P2RX4: variants seen among roughly 807,000 people sequenced by gnomAD.
P2RX4 encodes P2X purinoceptor 4.
A neutral mutation model predicts 48.0 loss-of-function variants in P2RX4; 37 were observed. The ratio of observed to expected loss-of-function variants is 0.77; its 90% CI spans 0.59 to 1.01. The LOEUF is 1.01. Among genes scored for constraint, P2RX4 ranks in the 50% least tolerant of loss-of-function variants. The pLI, the probability that P2RX4 is intolerant of heterozygous loss-of-function variation, is 0.00. For missense variants in P2RX4, 501 were observed against 521.4 expected, an observed-to-expected ratio of 0.96 and a Z score of 0.38; for synonymous variants, 200 against 199.7, an observed-to-expected ratio of 1.00 and a Z score of -0.01.
intron 2 of P2RX4, among the ~76,000 whole-genome samples, chr12:121,218,546 T>C (rs1192846439): frequency 1.3e-5 from 2 of 152,112 alleles, no homozygotes; most frequent in Admixed American, 6.5e-5. Context: ...CCTGTTAGCA[T>C]GTACCTGTCT....
chr12:121,223,104 C>A, intron 5 of P2RX4, 61 bp downstream of exon 5: 1 of 1,050,412 alleles, frequency 9.5e-7, no homozygotes, highest in South Asian at 1.3e-5. Flanking sequence ...GACACAGTTT[C>A]ACTCTGTATC....
chr12:121,223,055 C>T lies in P2RX4; in HGVS notation c.524+12C>T. ...ACACACGTGCCACAGTGAGTCCAGC[C>T]CTAGGGAAGGAAGTGCCTTTTTGTT... On this transcript the variant is annotated intron_variant, in intron 5 of 11. Coordinates refer to ENST00000337233, the MANE Select transcript of P2RX4 (RefSeq NM_002560.3). The T allele has an allele frequency of 6.4e-7, 1 of 1,554,894 alleles. No homozygotes were observed. Among genetic ancestry groups the T allele is most frequent in the Non-Finnish European group, 8.9e-7 (1 of 1,126,352 alleles).
At chr12:121,216,983 G>A (rs1255015496) in intron 1 of P2RX4, 151 bp from the exon 2 acceptor site, 2 of 805,982 alleles carry the variant, frequency 2.5e-6, no homozygotes, top group Non-Finnish European at 4.3e-6. Flanking sequence ...GGCAGAAGTG[G>A]AAATGGAGTC....
At chr12:121,222,206 C>G (rs764687053) in intron 4 of P2RX4, 40 bp downstream of exon 4, 3 of 1,336,390 alleles carry the variant, frequency 2.2e-6, no homozygotes, top group Non-Finnish European at 3.2e-6. Flanking sequence ...GGCCCCTGAG[C>G]AGATCGCCCC....
intron 5 of P2RX4, 63 bp from the exon 6 acceptor site, chr12:121,228,470 T>C: frequency 1.1e-6 from 1 of 913,382 alleles, no homozygotes; most frequent in Non-Finnish European, 1.7e-6. Context: ...TATATATATA[T>C]AACATGGTTA....
chr12:121,218,543 G>A (rs1238680313), intron 2 of P2RX4, among the ~76,000 whole-genome samples: 9 of 152,140 alleles, frequency 5.9e-5, no homozygotes, highest in Admixed American at 5.9e-4. Context: ...AGTCCTGTTA[G>A]CATGTACCTG....
At chr12:121,210,397 A>T in intron 1 of P2RX4, 99 bp downstream of exon 1, 1 of 1,215,130 alleles carries the variant, frequency 8.2e-7, no homozygotes, top group South Asian at 2.5e-5. Flanking sequence ...CGAGTCCGGG[A>T]GCGGCGAGCC....
At chr12:121,231,371 A>G (rs565306861) in intron 8 of P2RX4, among the ~76,000 whole-genome samples, 1 of 152,132 alleles carries the variant, frequency 6.6e-6, no homozygotes, top group African/African-American at 2.4e-5. Flanking sequence ...CATAGTTTTC[A>G]CTATATTCAC....
At chr12:121,212,824 A>ATATTTTTTTTTTTTT (rs370835501) in intron 1 of P2RX4, 1 of 32,262 alleles carries the variant, frequency 3.1e-5, no homozygotes, top group African/African-American at 1.7e-4. Context: ...ATATATATAT[A>ATATTTTTTTTTTTTT]TTTTTTTTTT....
intron 5 of P2RX4, among the ~76,000 whole-genome samples, chr12:121,223,944 C>T (rs1026449176): frequency 2.6e-5 from 4 of 152,190 alleles, no homozygotes; most frequent in African/African-American, 4.8e-5. Context: ...TGCATCCCGC[C>T]GTGCCAGCTT....
At chr12:121,210,395 G>A (rs1885746412) in intron 1 of P2RX4, 97 bp downstream of exon 1, 1 of 1,227,790 alleles carries the variant, frequency 8.1e-7, no homozygotes, top group Admixed American at 4.2e-5. Context: ...GGCGAGTCCG[G>A]GAGCGGCGAG....
intron 2 of P2RX4, 52 bp downstream of exon 2, chr12:121,217,333 G>A: frequency 6.4e-7 from 1 of 1,572,362 alleles, no homozygotes; most frequent in Non-Finnish European, 8.7e-7. Context: ...GCTCTTTACT[G>A]ACTTTGCACA....
chr12:121,222,871 A>T, intron 4 of P2RX4, 76 bp from the exon 5 acceptor site: 1 of 1,404,976 alleles, frequency 7.1e-7, no homozygotes, highest in Non-Finnish European at 9.9e-7. Context: ...TGGGGCTCTC[A>T]CTCCCTACTC....
At position 121,222,987 on chromosome 12, in the gene P2RX4, C is replaced by G. The variant is rs1452961189; in HGVS notation, c.468C>G (p.Val156=). The change falls in exon 5 of 12, where the codon GTC becomes GTG. Residue 156 remains valine, a synonymous_variant. Transcript: ENST00000337233. ...GGTGCGTAGCTTTCAACGGGTCTGTCAAGACGTGTGAGGTGGCGGCCTGGT... is the reference window on the plus strand; with the variant it reads ...GGTGCGTAGCTTTCAACGGGTCTGTGAAGACGTGTGAGGTGGCGGCCTGGT... The part of the protein sequence containing the change: ...TGRCVAFNGS[V]KTCEVAAWCP... 5 of 1,613,720 alleles carry G rather than the reference C, an allele frequency of 3.1e-6. No individual in the cohort carries two copies. Among genetic ancestry groups the G allele is most frequent in the Non-Finnish European group, 3.4e-6 (4 of 1,179,742 alleles).
chr12:121,221,943 G>C lies in P2RX4; in HGVS notation c.313G>C (p.Val105Leu). Residue 105 changes from valine (V) to leucine (L), a missense_variant, in exon 3 of 12, where the codon GTG (valine) becomes CTG (leucine). Physicochemically the swap from Val to Leu is conservative, Grantham distance 32. Coordinates refer to ENST00000337233, the MANE Select transcript of P2RX4 (RefSeq NM_002560.3). ...AAACTCCCTCTTCGTCATGACCAAC[G>C]TGATCCTCACCATGAACCAGACACA... ...EENSLFVMTN[V>L]ILTMNQTQGL... is the part of the protein sequence containing the mutation. 6.2e-7 allele frequency: 1 copy of C among 1,614,176 alleles called. No homozygotes were observed. Among genetic ancestry groups the C allele is most frequent in the Non-Finnish European group, 8.5e-7 (1 of 1,180,022 alleles).
chr12:121,225,247 A>AT (rs1886907901), intron 5 of P2RX4, among the ~76,000 whole-genome samples: 1 of 150,228 alleles, frequency 6.7e-6, no homozygotes, highest in African/African-American at 2.5e-5. Context: ...TAATTTTTGT[A>AT]TTTTTAGTAG....
At chr12:121,233,168 T>C (rs1887483008) in intron 11 of P2RX4, 76 bp downstream of exon 11, 2 of 1,010,224 alleles carry the variant, frequency 2.0e-6, no homozygotes, top group African/African-American at 3.2e-5. Flanking sequence ...TGGGCCTGTC[T>C]GGGGAGGCCC....
intron 5 of P2RX4, among the ~76,000 whole-genome samples, chr12:121,227,554 C>A (rs1275568504): frequency 6.6e-6 from 1 of 152,200 alleles, no homozygotes; most frequent in African/African-American, 2.4e-5. Context: ...GCCTGCGGCC[C>A]CAAAGCCAGG....
At chr12:121,219,158 C>A (rs1349134933) in intron 2 of P2RX4, among the ~76,000 whole-genome samples, 1 of 152,198 alleles carries the variant, frequency 6.6e-6, no homozygotes, top group Non-Finnish European at 1.5e-5. Context: ...ACATTGAACA[C>A]CTGGGAACGT....
Sources: gnomAD v4.1 joint callset for allele counts (sites outside exome capture counted in the v4.1 genomes callset) on GRCh38, gnomAD v4.1.1 for gene constraint, MANE v1.5 for transcripts, NCBI Gene and HGNC (gene_info 2026-07-23, HGNC 2026-07-21) for gene names.